ARCN1: variants seen among roughly 807,000 people sequenced by gnomAD.
ARCN1 encodes archain 1 coat protein complex I subunit delta, also known as coatomer subunit delta.
A neutral mutation model predicts 60.4 loss-of-function variants in ARCN1; 5 were observed. That is an observed-to-expected ratio of 0.08 (90% CI 0.04 to 0.17). ARCN1 has a LOEUF of 0.17. ARCN1 is among the 10% of genes least tolerant of loss of function. ARCN1 has a pLI of 1.00. For missense variants in ARCN1, 464 were observed against 626.5 expected, an observed-to-expected ratio of 0.74 and a Z score of 2.77; for synonymous variants, 224 against 220.0, an observed-to-expected ratio of 1.02 and a Z score of -0.16.
chr11:118,600,295 T>C (rs957904995), intron 9 of ARCN1, among the ~76,000 whole-genome samples: 4 of 152,216 alleles, frequency 2.6e-5, no homozygotes, highest in African/African-American at 9.6e-5. Context: ...AATGTTAATA[T>C]ATCATCCTGA....
At chr11:118,573,393 C>T (rs1555072840) in intron 1 of ARCN1, among the ~76,000 whole-genome samples, 1 of 152,130 alleles carries the variant, frequency 6.6e-6, no homozygotes, top group African/African-American at 2.4e-5. Flanking sequence ...TCTTTGTATA[C>T]TCATCTGTTA....
Position 118,602,391 on chromosome 11 carries a change from A to G in ARCN1, c.*1677A>G, listed in dbSNP as rs1488541389. On this transcript the variant is annotated 3_prime_UTR_variant, in exon 10 of 10. Coordinates refer to ENST00000264028, the MANE Select transcript of ARCN1 (RefSeq NM_001655.5). ...AATATTCCAGTCCATAGGGGTGGTT[A>G]AAAGTTGCTGCAAGGCTGCAGGCAC... 6.5e-6 allele frequency: 1 copy of G among 153,828 alleles called. No homozygotes were observed. The highest frequency in any genetic ancestry group is 1.5e-5 in the Non-Finnish European group (1 of 68,096). 9.5% of individuals were successfully genotyped at this position (153,828 alleles called of 1,614,324 possible).
In ARCN1 at chr11:118,583,298, G is replaced by A. The variant is rs1555074942; in HGVS notation, c.387G>A (p.Gln129=). 3 of 1,614,168 alleles carry A rather than the reference G, an allele frequency of 1.9e-6. No homozygotes were observed. Among genetic ancestry groups the A allele is most frequent in the African/African-American group, 2.7e-5 (2 of 75,058 alleles). ...LGYRENVNLA[Q]IRTFTEMDSH... ...ACCGGGAGAATGTTAACTTGGCACA[G>A]ATCAGAACCTTCACAGAAATGGATT... The change falls in exon 3 of 10, where the codon CAG becomes CAA. Residue 129 remains glutamine, a synonymous_variant. Coordinates refer to ENST00000264028, the MANE Select transcript of ARCN1 (RefSeq NM_001655.5).
intron 8 of ARCN1, 142 bp from the exon 9 acceptor site, chr11:118,597,565 G>C (rs1939052984): frequency 3.5e-6 from 2 of 568,296 alleles, no homozygotes; most frequent in Admixed American, 9.6e-5. Context: ...TTTGATCCTT[G>C]AAGTTATTAG....
rs1161304214 is a variant in ARCN1 at position 118,581,933 on chromosome 11, G to GACAC, written c.267+427_267+428insCACA. ...TTACTGATCCAGAGACAGACAGACA[G>GACAC]ACAGACACACACACACACACACACA... On this transcript the variant is annotated intron_variant, in intron 2 of 9. Transcript: ENST00000264028. Among the ~76,000 whole-genome samples, 986 of 132,204 alleles carry GACAC rather than the reference G, an allele frequency of 7.5e-3. 17 individuals carry two copies. The highest frequency in any genetic ancestry group is 0.028 in the African/African-American group (922 of 32,478). 86.7% of individuals were successfully genotyped at this position (132,204 alleles called of 152,430 possible).
Position 118,601,867 on chromosome 11 carries a change from T to C in ARCN1, c.*1153T>C, listed in dbSNP as rs191158338. 2.1e-4 allele frequency: 129 copies of C among 604,090 alleles called. No homozygotes were observed. The highest frequency in any genetic ancestry group is 1.8e-3 in the African/African-American group (95 of 54,094). 37.4% of individuals were successfully genotyped at this position (604,090 alleles called of 1,614,324 possible). On this transcript the variant is annotated 3_prime_UTR_variant, in exon 10 of 10. Transcript: ENST00000264028. ...GGGATTTCACATCCACATGTAATCA[T>C]GTCTGCTGCTGTTGCTACCCAAATT... is the stretch of plus-strand genomic sequence containing the variant.
At chr11:118,587,933 G>A (rs1452305944) in intron 5 of ARCN1, among the ~76,000 whole-genome samples, 2 of 152,200 alleles carry the variant, frequency 1.3e-5, no homozygotes, top group African/African-American at 4.8e-5. Context: ...ACATTTTAAA[G>A]GATGCAAATA....
chr11:118,592,254 C>T (rs1938928597), intron 6 of ARCN1, among the ~76,000 whole-genome samples: 1 of 152,172 alleles, frequency 6.6e-6, no homozygotes, highest in Non-Finnish European at 1.5e-5. Context: ...CTTTAAGTCT[C>T]TAGGCAAAAT....
Position 118,572,632 on chromosome 11 carries a change from G to A in ARCN1, c.3+82G>A, listed in dbSNP as rs947477748. 7.1e-6 allele frequency: 11 copies of A among 1,542,350 alleles called. No homozygotes were observed. In the Admixed American group the frequency reaches 1.3e-4, roughly 19 times the overall value. Reference sequence around the variant, plus strand: ...GTCGGCGGGCCTGGGGCAGGGGCCGGAGGAGCCCCGCCCTGAGGGTCTAGG... The same window carrying A: ...GTCGGCGGGCCTGGGGCAGGGGCCGAAGGAGCCCCGCCCTGAGGGTCTAGG... On this transcript the variant is annotated intron_variant, in intron 1 of 9. Coordinates refer to ENST00000264028, the MANE Select transcript of ARCN1 (RefSeq NM_001655.5).
intron 8 of ARCN1, among the ~76,000 whole-genome samples, chr11:118,594,534 T>TTTTA (rs1217047846): frequency 6.6e-6 from 1 of 151,934 alleles, no homozygotes. Flanking sequence ...CTGGAGCTGT[T>TTTTA]TTTATTTATT....
At chr11:118,593,851 T>C (rs1938967261) in intron 8 of ARCN1, 153 bp downstream of exon 8, 2 of 516,116 alleles carry the variant, frequency 3.9e-6, no homozygotes, top group Admixed American at 3.2e-5. Context: ...AAAGGCTGCA[T>C]GTTATGTGAT....
intron 5 of ARCN1, among the ~76,000 whole-genome samples, chr11:118,589,642 C>T (rs572469265): frequency 1.2e-3 from 185 of 152,266 alleles, no homozygotes; most frequent in Non-Finnish European, 2.4e-3. Flanking sequence ...AGGATGGTCT[C>T]GATCTTCTGA....
intron 4 of ARCN1, among the ~76,000 whole-genome samples, 169 bp downstream of exon 4, chr11:118,584,183 G>A (rs1938725439): frequency 6.6e-6 from 1 of 152,250 alleles, no homozygotes; most frequent in African/African-American, 2.4e-5. Context: ...AAATCTGAAT[G>A]TGGTGTTTTT....
chr11:118,583,414 C>A, intron 3 of ARCN1, 56 bp downstream of exon 3: 2 of 1,508,846 alleles, frequency 1.3e-6, no homozygotes, highest in African/African-American at 2.8e-5. Flanking sequence ...TTAGGCTTCA[C>A]TAATCTCATT....
chr11:118,592,769 C>A lies in ARCN1; in HGVS notation c.1045C>A (p.Pro349Thr), dbSNP rs1273081101. 8.1e-6 allele frequency: 13 copies of A among 1,613,880 alleles called. No homozygotes were observed. Among genetic ancestry groups the A allele is most frequent in the Non-Finnish European group, 1.1e-5 (13 of 1,179,928 alleles). The change falls in exon 7 of 10, where the codon CCA becomes ACA. Residue 349 changes from proline to threonine, a missense_variant. Pro to Thr is a conservative substitution (Grantham distance 38). This residue lies in a region of ARCN1 where 359 missense variants were observed against 440.2 expected (regional missense o/e 0.82). Transcript: ENST00000264028. ...TAESLIGLKN[P>T]EKSFPVNSDV... ...AGAGTCTCTAATTGGCCTGAAGAAT[C>A]CAGAGAAGTCATTTCCAGTCAACAG...
At chr11:118,596,694 G>T (rs1461464589) in intron 8 of ARCN1, among the ~76,000 whole-genome samples, 1 of 152,162 alleles carries the variant, frequency 6.6e-6, no homozygotes, top group African/African-American at 2.4e-5. Flanking sequence ...AGGTGACACT[G>T]CCTGTCAGCC....
intron 2 of ARCN1, 26 bp from the exon 3 acceptor site, chr11:118,583,153 T>C: frequency 6.2e-7 from 1 of 1,610,374 alleles, no homozygotes; most frequent in Non-Finnish European, 8.5e-7. Flanking sequence ...TCTAAATCTT[T>C]CTTTTTTATT....
At chr11:118,581,944 A>G (rs1555074714) in intron 2 of ARCN1, among the ~76,000 whole-genome samples, 1 of 150,938 alleles carries the variant, frequency 6.6e-6, no homozygotes, top group East Asian at 2.1e-4. Flanking sequence ...ACAGACACAC[A>G]CACACACACA....
At chr11:118,579,333 C>T (rs996821937) in intron 1 of ARCN1, among the ~76,000 whole-genome samples, 1 of 151,980 alleles carries the variant, frequency 6.6e-6, no homozygotes, top group Non-Finnish European at 1.5e-5. Flanking sequence ...TCTGATGAAA[C>T]TATTAAGAAG....
Sources: gnomAD v4.1 joint callset for allele counts (sites outside exome capture counted in the v4.1 genomes callset) on GRCh38, gnomAD v4.1.1 for gene constraint, gnomAD v4.1.1 regional missense constraint, MANE v1.5 for transcripts, NCBI Gene and HGNC (gene_info 2026-07-23, HGNC 2026-07-21) for gene names.